Variants in IYD observed in about 807,000 individuals in gnomAD.
IYD encodes the protein iodotyrosine deiodinase.
In IYD, 25 loss-of-function variants were observed where a neutral mutation model predicts 28.4. The observed-to-expected ratio is 0.88, with a 90% CI of 0.64 to 1.23. The LOEUF (loss-of-function observed/expected upper bound fraction) is 1.23. Among genes scored for constraint, IYD ranks in the 50% most tolerant of loss-of-function variants. The probability of loss-of-function intolerance (pLI) is 0.00; values close to 1 mark genes in which losing one functional copy is unlikely to be tolerated. For synonymous variants in IYD, 140 were observed against 130.8 expected (o/e 1.07, Z -0.48); for missense variants, 352 against 357.9 (o/e 0.98, Z 0.13).
chr6:150,390,654 A>G (rs749057397), intron 2 of IYD, among the ~76,000 whole-genome samples: 1 of 152,054 alleles, frequency 6.6e-6, no homozygotes, highest in Non-Finnish European at 1.5e-5. Flanking sequence ...AAACTATCCA[A>G]TGGGAAGGAA....
chr6:150,378,676 C>G (rs920052266), intron 1 of IYD, among the ~76,000 whole-genome samples: 36 of 152,298 alleles, frequency 2.4e-4, no homozygotes, highest in African/African-American at 8.4e-4. Context: ...AATATGAACA[C>G]TTTTACACTG....
chr6:150,389,731 A>G (rs1778040951), intron 2 of IYD, 188 bp downstream of exon 2: 2 of 590,784 alleles, frequency 3.4e-6, no homozygotes, highest in Admixed American at 2.8e-5. Context: ...CATTTTGACT[A>G]TTACAAGCTT....
In IYD at chr6:150,389,358, ATGAATGGCAAGAATCAGAAGAAAATGT is replaced by A. The variant is rs1778021975; in HGVS notation, c.190_216del (p.Trp64_Glu72del). 1.2e-6 allele frequency: 2 copies of A among 1,612,958 alleles called. No individual in the cohort carries two copies. The highest frequency in any genetic ancestry group is 1.7e-6 in the Non-Finnish European group (2 of 1,179,038). On this transcript the variant is annotated inframe_deletion, in exon 2 of 5. Transcript: ENST00000344419. ...TTCTTATTCTTATTTGCAGATGCTG[ATGAATGGCAAGAATCAGAAGAAAATGT>A]TGAACACATCCCCTTCTCTCATAAC... is the stretch of plus-strand genomic sequence containing the variant.
Position 150,405,166 on chromosome 6 carries a change from A to G in IYD, c.*6929A>G, listed in dbSNP as rs717640. 48,679 of 151,994 alleles carry G rather than the reference A, an allele frequency of 0.32. 9,193 individuals carry two copies. The highest frequency in any genetic ancestry group is 0.58 in the East Asian group (2,980 of 5,162). The allele number at this position is 151,994 out of a possible 1,614,324, so 9.4% of individuals were successfully genotyped here. ...GGTGAGTATGGTAAATGTGGCAAGTATTCTCAAGTGAGCTCATCAGTCCCA... is the reference window on the plus strand; with the variant it reads ...GGTGAGTATGGTAAATGTGGCAAGTGTTCTCAAGTGAGCTCATCAGTCCCA... On this transcript the variant is annotated 3_prime_UTR_variant, in exon 5 of 5. Coordinates refer to ENST00000344419, the MANE Select transcript of IYD (RefSeq NM_203395.3).
At chr6:150,375,648 C>T (rs1777420033) in intron 1 of IYD, among the ~76,000 whole-genome samples, 1 of 150,912 alleles carries the variant, frequency 6.6e-6, no homozygotes, top group Non-Finnish European at 1.5e-5. Flanking sequence ...ATAACTACTT[C>T]TGTCCATAAT....
intron 4 of IYD, among the ~76,000 whole-genome samples, chr6:150,394,568 T>TAAC (rs1778241558): frequency 6.6e-6 from 1 of 152,220 alleles, no homozygotes; most frequent in Non-Finnish European, 1.5e-5. Context: ...TCACAGAGGC[T>TAAC]AACTCCCTGG....
chr6:150,389,764 G>T, intron 2 of IYD: 1 of 529,808 alleles, frequency 1.9e-6, no homozygotes, highest in Non-Finnish European at 3.4e-6. Flanking sequence ...TGTGACAATA[G>T]TTCAAAACTT....
At chr6:150,379,143 G>A (rs958667170) in intron 1 of IYD, among the ~76,000 whole-genome samples, 15 of 152,094 alleles carry the variant, frequency 9.9e-5, no homozygotes, top group African/African-American at 3.1e-4. Flanking sequence ...TCAGTGGATG[G>A]TTCCATCATC....
chr6:150,397,445 C>CT (rs1778361437), intron 4 of IYD, among the ~76,000 whole-genome samples: 1 of 151,774 alleles, frequency 6.6e-6, no homozygotes, highest in Non-Finnish European at 1.5e-5. Context: ...TGGTGCATGC[C>CT]TATAGTCTCA....
At position 150,402,721 on chromosome 6, in the gene IYD, C is replaced by T. The variant is rs1386761975; in HGVS notation, c.*4484C>T. 6.6e-6 allele frequency: 1 copy of T among 152,206 alleles called. No individual in the cohort carries two copies. Among genetic ancestry groups the T allele is most frequent in the Non-Finnish European group, 1.5e-5 (1 of 68,036 alleles). 9.4% of individuals were successfully genotyped at this position (152,206 alleles called of 1,614,324 possible). ...CTAAGATTGACTTCTTCCTAGACAT[C>T]TCTGCCTCTGTCCACAAAATGGAAA... On this transcript the variant is annotated 3_prime_UTR_variant, in exon 5 of 5. Coordinates refer to ENST00000344419, the MANE Select transcript of IYD (RefSeq NM_203395.3).
rs571103014 is a variant in IYD at position 150,374,571 on chromosome 6, C to A, written c.178+5362C>A. Among the ~76,000 whole-genome samples the A allele has an allele frequency of 2.6e-5, 4 of 152,282 alleles. No homozygotes were observed. The Middle Eastern group carries it at 0.01, about 388-fold the overall frequency. On this transcript the variant is annotated intron_variant, in intron 1 of 4. Transcript: ENST00000344419. ...GGGAATGAGAATCAAGCGAAAGGGG[C>A]TTCCCCTTATAAAACCATCAGCTCT...
At position 150,403,125 on chromosome 6, in the gene IYD, A is replaced by G. The variant is rs1778556863; in HGVS notation, c.*4888A>G. 6.6e-6 allele frequency: 1 copy of G among 152,252 alleles called. No individual in the cohort carries two copies. Among genetic ancestry groups the G allele is most frequent in the Non-Finnish European group, 1.5e-5 (1 of 68,040 alleles). The allele number at this position is 152,252 out of a possible 1,614,324, so 9.4% of individuals were successfully genotyped here. A position where few individuals can be genotyped will look rare whatever the true frequency, so the allele number is the denominator to read the frequency against. On this transcript the variant is annotated 3_prime_UTR_variant, in exon 5 of 5. Transcript: ENST00000344419. ...CTAAATATTGGAGTTCCCAAAGAGT[A>G]TTCAAACTGATGTGATATTTTAAAA...
rs1421210181 is a variant in IYD, at chr6:150,404,809, AC to A, written c.*6573del. ...GAAGTAATACAAACAAAAAAACCTC[AC>A]TATAACCCAAACAAATAAGGGATTA... On this transcript the variant is annotated 3_prime_UTR_variant, in exon 5 of 5. Coordinates refer to ENST00000344419, the MANE Select transcript of IYD (RefSeq NM_203395.3). 1 of 152,250 alleles carries A rather than the reference AC, an allele frequency of 6.6e-6. No individual in the cohort carries two copies. Among genetic ancestry groups the A allele is most frequent in the African/African-American group, 2.4e-5 (1 of 41,456 alleles). 9.4% of individuals were successfully genotyped at this position (152,250 alleles called of 1,614,324 possible).
intron 3 of IYD, among the ~76,000 whole-genome samples, chr6:150,393,323 A>G (rs1778194815): frequency 6.6e-6 from 1 of 152,172 alleles, no homozygotes; most frequent in Admixed American, 6.5e-5. Flanking sequence ...TTATAGGGAG[A>G]AAAGAAATGA....
At chr6:150,377,263 G>T (rs1016002294) in intron 1 of IYD, among the ~76,000 whole-genome samples, 1 of 152,140 alleles carries the variant, frequency 6.6e-6, no homozygotes, top group African/African-American at 2.4e-5. Context: ...ATCCCTAGTG[G>T]CTCCACTGCT....
Position 150,405,960 on chromosome 6 carries a change from C to G in IYD, c.*7723C>G, listed in dbSNP as rs982643737. On this transcript the variant is annotated 3_prime_UTR_variant, in exon 5 of 5. Coordinates refer to ENST00000344419, the MANE Select transcript of IYD (RefSeq NM_203395.3). ...CCTGCTGCTGTGAATAATAACATAT[C>G]TTGCTCTGACCCAGTAGTCTTGTGT... 4.6e-5 allele frequency: 7 copies of G among 152,214 alleles called. No homozygotes were observed. Among genetic ancestry groups the G allele is most frequent in the Admixed American group, 1.3e-4 (2 of 15,282 alleles). The allele number at this position is 152,214 out of a possible 1,614,324, so 9.4% of individuals were successfully genotyped here.
At chr6:150,373,989 T>C (rs560080226) in intron 1 of IYD, among the ~76,000 whole-genome samples, 3 of 152,316 alleles carry the variant, frequency 2.0e-5, no homozygotes, top group African/African-American at 7.2e-5. Context: ...GACATTGTTC[T>C]TGAGATCAAG....
chr6:150,377,420 C>T (rs150757438), intron 1 of IYD, among the ~76,000 whole-genome samples: 53 of 152,306 alleles, frequency 3.5e-4, no homozygotes, highest in African/African-American at 1.3e-3. Context: ...CTGCTAGTCT[C>T]ATTCCCCAGC....
intron 1 of IYD, among the ~76,000 whole-genome samples, chr6:150,388,656 T>TTTCTTTC (rs1347588051): frequency 7.0e-6 from 1 of 142,550 alleles, no homozygotes; most frequent in Non-Finnish European, 1.5e-5. Context: ...TCTTTCTTTC[T>TTTCTTTC]TTCTTTCTTT....
Sources: gnomAD v4.1 joint callset for allele counts (sites outside exome capture counted in the v4.1 genomes callset) on GRCh38, gnomAD v4.1.1 for gene constraint, MANE v1.5 for transcripts, NCBI Gene and HGNC (gene_info 2026-07-23, HGNC 2026-07-21) for gene names.